HIBADH: variants seen among roughly 807,000 people sequenced by gnomAD.
The protein encoded by HIBADH is 3-hydroxyisobutyrate dehydrogenase, also known as 3-hydroxyisobutyrate dehydrogenase, mitochondrial.
In HIBADH, 25 loss-of-function variants were observed where a neutral mutation model predicts 36.1. The ratio of observed to expected loss-of-function variants is 0.69; its 90% CI spans 0.50 to 0.97. The LOEUF (loss-of-function observed/expected upper bound fraction) is 0.97. Ranked by LOEUF, HIBADH falls within the 50% of genes least tolerant of loss-of-function variation. The pLI, the probability that HIBADH is intolerant of heterozygous loss-of-function variation, is 0.00. For synonymous variants in HIBADH, 160 were observed against 149.5 expected (o/e 1.07, Z -0.51); for missense variants, 421 against 418.0 (o/e 1.01, Z -0.06).
Position 27,645,368 on chromosome 7 carries a change from A to ATGTTTTTTTTTTTTTTT in HIBADH, c.252+4104_252+4105insAAAAAAAAAAAAAAACA, listed in dbSNP as rs1554300959. Among the ~76,000 whole-genome samples the ATGTTTTTTTTTTTTTTT allele has an allele frequency of 2.1e-3, 128 of 59,646 alleles. 42 individuals carry two copies. Among genetic ancestry groups the ATGTTTTTTTTTTTTTTT allele is most frequent in the Middle Eastern group, 0.013 (1 of 80 alleles). 39.1% of individuals were successfully genotyped at this position (59,646 alleles called of 152,430 possible). On this transcript the variant is annotated intron_variant, in intron 2 of 7. Coordinates refer to ENST00000265395, the MANE Select transcript of HIBADH (RefSeq NM_152740.4). ...CTAGTGGGTGTGTCTCATGGTTTTG[A>ATGTTTTTTTTTTTTTTT]TTTTTTTTTTTTTTTTTTTTTTTTT...
chr7:27,647,629 C>A (rs1786095055), intron 2 of HIBADH: 2 of 263,146 alleles, frequency 7.6e-6, no homozygotes, highest in Non-Finnish European at 1.7e-5. Flanking sequence ...CTCCTTCATG[C>A]AGGGATAAGC....
At chr7:27,530,818 A>G (rs1405445278) in intron 7 of HIBADH, among the ~76,000 whole-genome samples, 1 of 152,174 alleles carries the variant, frequency 6.6e-6, no homozygotes, top group Admixed American at 6.6e-5. Flanking sequence ...ATGCACTGCC[A>G]GTGTATTATT....
chr7:27,574,290 T>C (rs1784672336), intron 4 of HIBADH, among the ~76,000 whole-genome samples: 1 of 96,656 alleles, frequency 1.0e-5, no homozygotes, highest in Non-Finnish European at 2.0e-5. Context: ...GAGGAAGAGA[T>C]AGCAGGTGAT....
intron 4 of HIBADH, among the ~76,000 whole-genome samples, chr7:27,602,657 G>A (rs1785150182): frequency 6.6e-6 from 1 of 151,998 alleles, no homozygotes; most frequent in Non-Finnish European, 1.5e-5. Flanking sequence ...TATCTTCATT[G>A]CTGAACGTTT....
At chr7:27,612,130 C>A (rs1261991470) in intron 4 of HIBADH, among the ~76,000 whole-genome samples, 3 of 152,028 alleles carry the variant, frequency 2.0e-5, no homozygotes, top group Non-Finnish European at 4.4e-5. Flanking sequence ...TTTGTATGAA[C>A]TGGAAAATAA....
intron 2 of HIBADH, among the ~76,000 whole-genome samples, chr7:27,638,566 C>T (rs2391448): frequency 0.8 from 121,253 of 152,048 alleles, 48,786 homozygotes; most frequent in East Asian, 0.97. Flanking sequence ...TCAAAAGCAA[C>T]TGCAACAAAA....
At chr7:27,604,034 T>C (rs1377129258) in intron 4 of HIBADH, among the ~76,000 whole-genome samples, 1 of 152,144 alleles carries the variant, frequency 6.6e-6, no homozygotes, top group African/African-American at 2.4e-5. Context: ...CTCCTCCACT[T>C]AGACAGTATT....
At chr7:27,556,820 T>G (rs1784395429) in intron 4 of HIBADH, among the ~76,000 whole-genome samples, 1 of 152,210 alleles carries the variant, frequency 6.6e-6, no homozygotes, top group Non-Finnish European at 1.5e-5. Context: ...CTGATATTTA[T>G]GGAGTCCTAA....
At chr7:27,532,102 T>C (rs541413587) in intron 6 of HIBADH, among the ~76,000 whole-genome samples, 1 of 152,290 alleles carries the variant, frequency 6.6e-6, no homozygotes, top group Admixed American at 6.5e-5. Context: ...ATTTGTTCTA[T>C]CACTGGGCTG....
intron 4 of HIBADH, among the ~76,000 whole-genome samples, chr7:27,545,458 G>A (rs1413899926): frequency 6.6e-6 from 1 of 151,962 alleles, no homozygotes; most frequent in Non-Finnish European, 1.5e-5. Context: ...CAAAAAGACT[G>A]AAATTATCCT....
rs142415606 is a variant in HIBADH at position 27,531,052 on chromosome 7, C to T, written c.852+140G>A. On this transcript the variant is annotated intron_variant, in intron 7 of 7. Transcript: ENST00000265395. Reference sequence around the variant, plus strand: ...GATTTTCATCTAAGTTAGGTTTTTACTCATTTTCAGTGAGAGTGAATATTC... The same window carrying T: ...GATTTTCATCTAAGTTAGGTTTTTATTCATTTTCAGTGAGAGTGAATATTC... The T allele has an allele frequency of 7.6e-3, 6,218 of 817,488 alleles. 60 individuals carry two copies. The highest frequency in any genetic ancestry group is 9.5e-3 in the Non-Finnish European group (5,004 of 525,850). The allele number at this position is 817,488 out of a possible 1,614,324, so 50.6% of individuals were successfully genotyped here. A position where few individuals can be genotyped will look rare whatever the true frequency, so the allele number is the denominator to read the frequency against.
In HIBADH at chr7:27,595,579, G is replaced by GGTGTGTGTGT. The variant is rs3219776; in HGVS notation, c.484+33782_484+33791dup. 6.6e-4 allele frequency among the ~76,000 whole-genome samples: 95 copies of GGTGTGTGTGT among 143,436 alleles called. 1 individual carries two copies. In the East Asian group the frequency reaches 6.6e-3, roughly 10 times the overall value. 94.1% of individuals were successfully genotyped at this position (143,436 alleles called of 152,430 possible). On this transcript the variant is annotated intron_variant, in intron 4 of 7. Transcript: ENST00000265395. Reference sequence around the variant, plus strand: ...ATACAGTGTAATTTCCATAAGGGCAGGTGTGTGTGTGTGTGTGTGTGTGTG... The same window carrying GGTGTGTGTGT: ...ATACAGTGTAATTTCCATAAGGGCAGGTGTGTGTGTGTGTGTGTGTGTGTGTGTGTGTGTG...
intron 2 of HIBADH, among the ~76,000 whole-genome samples, chr7:27,642,740 C>T (rs1467616299): frequency 6.8e-6 from 1 of 147,750 alleles, no homozygotes; most frequent in Admixed American, 6.9e-5. Flanking sequence ...CAAGCTCCGC[C>T]TCCCGGGTTC....
chr7:27,604,159 C>G (rs1785179158), intron 4 of HIBADH, among the ~76,000 whole-genome samples: 1 of 150,430 alleles, frequency 6.6e-6, no homozygotes, highest in Non-Finnish European at 1.5e-5. Flanking sequence ...TAACATATAC[C>G]CTAACAAGTA....
At chr7:27,628,495 G>C (rs984097038) in intron 4 of HIBADH, among the ~76,000 whole-genome samples, 4 of 152,124 alleles carry the variant, frequency 2.6e-5, no homozygotes, top group African/African-American at 9.6e-5. Flanking sequence ...GGAAAACTTG[G>C]AAATTACAGA....
At chr7:27,638,226 A>C (rs1367690716) in intron 2 of HIBADH, among the ~76,000 whole-genome samples, 1 of 151,026 alleles carries the variant, frequency 6.6e-6, no homozygotes, top group African/African-American at 2.4e-5. Context: ...TACTGGAACA[A>C]AACAGGCACA....
At chr7:27,616,394 T>A (rs188743077) in intron 4 of HIBADH, among the ~76,000 whole-genome samples, 1 of 152,228 alleles carries the variant, frequency 6.6e-6, no homozygotes, top group Admixed American at 6.5e-5. Flanking sequence ...CACAGTAATA[T>A]CAAATGAGTG....
At chr7:27,651,101 A>C (rs1028834092) in intron 1 of HIBADH, among the ~76,000 whole-genome samples, 2 of 152,216 alleles carry the variant, frequency 1.3e-5, no homozygotes, top group African/African-American at 4.8e-5. Flanking sequence ...TGCAACAACT[A>C]ATCACAGTCC....
intron 6 of HIBADH, among the ~76,000 whole-genome samples, chr7:27,537,429 C>A (rs1355112051): frequency 1.3e-5 from 2 of 152,022 alleles, no homozygotes; most frequent in African/African-American, 4.8e-5. Context: ...TATGTTGGCT[C>A]TTTTTATTAC....
Sources: allele counts gnomAD v4.1 joint callset (sites outside exome capture counted in the v4.1 genomes callset), GRCh38; gene constraint gnomAD v4.1.1; transcripts MANE v1.5; gene names NCBI Gene and HGNC (gene_info 2026-07-23, HGNC 2026-07-21).